The following RAB38 variants were observed in gnomAD, a reference collection of about 807,000 sequenced individuals.
RAB38 encodes the protein ras-related protein Rab-38.
Under a neutral mutation model 18.4 loss-of-function variants are expected in RAB38, and 15 were observed. That is an observed-to-expected ratio of 0.82 (90% CI 0.55 to 1.26). The LOEUF (loss-of-function observed/expected upper bound fraction) is 1.26, where lower values mean the gene tolerates loss of function less well. Ranked by LOEUF, RAB38 falls within the 50% of genes most tolerant of loss-of-function variation. The pLI is 0.00. For synonymous variants in RAB38, 101 were observed against 104.4 expected (o/e 0.97, Z 0.20); for missense variants, 294 against 267.4 (o/e 1.10, Z -0.69).
chr11:88,166,568 T>G (rs1943247380), intron 1 of RAB38: 1 of 152,144 alleles, frequency 6.6e-6, no homozygotes, highest in South Asian at 2.1e-4. Context: ...CTCAGGGTTT[T>G]AATTCTGTAA....
the RAB38 span, among the ~76,000 whole-genome samples, chr11:88,021,076 T>C: frequency 1.3e-5 from 2 of 151,774 alleles, no homozygotes; most frequent in Admixed American, 6.6e-5. Context: ...CCAAAATTAG[T>C]AGAAGGAAAT....
chr11:87,842,317 AAAG>A, the RAB38 span, among the ~76,000 whole-genome samples: 1 of 152,188 alleles, frequency 6.6e-6, no homozygotes. Flanking sequence ...ACAAAAGGAT[AAAG>A]AAGAAAAAAT....
At chr11:88,014,936 T>C in the RAB38 span, among the ~76,000 whole-genome samples, 2 of 152,082 alleles carry the variant, frequency 1.3e-5, no homozygotes, top group Non-Finnish European at 2.9e-5. Context: ...CTCTGGAAAG[T>C]TGTGGAGACA....
At chr11:87,977,362 A>G in the RAB38 span, among the ~76,000 whole-genome samples, 1 of 114,922 alleles carries the variant, frequency 8.7e-6, no homozygotes, top group African/African-American at 3.4e-5. Context: ...ATATAAGTAT[A>G]TTATAAAATT....
At chr11:88,036,566 G>A in the RAB38 span, among the ~76,000 whole-genome samples, 2 of 151,952 alleles carry the variant, frequency 1.3e-5, no homozygotes, top group Non-Finnish European at 2.9e-5. Context: ...CAATTTCTGT[G>A]CATTTCCTTT....
the RAB38 span, among the ~76,000 whole-genome samples, chr11:87,814,028 C>T: frequency 6.6e-6 from 1 of 152,074 alleles, no homozygotes; most frequent in Non-Finnish European, 1.5e-5. Context: ...TACTAAGAGT[C>T]AATAGAAAGG....
chr11:88,118,409 T>G (rs925649923), intron 2 of RAB38, among the ~76,000 whole-genome samples: 5 of 152,232 alleles, frequency 3.3e-5, no homozygotes, highest in Admixed American at 1.3e-4. Flanking sequence ...CCCTGCCTGA[T>G]AGAATTGCAG....
At chr11:88,077,409 A>G in the RAB38 span, among the ~76,000 whole-genome samples, 1 of 152,188 alleles carries the variant, frequency 6.6e-6, no homozygotes, top group African/African-American at 2.4e-5. Flanking sequence ...AATATACTAC[A>G]AAGCTAAAAT....
At chr11:88,042,031 G>C in the RAB38 span, among the ~76,000 whole-genome samples, 1 of 152,010 alleles carries the variant, frequency 6.6e-6, no homozygotes, top group Non-Finnish European at 1.5e-5. Context: ...AGGAAATTGG[G>C]GTTTAGGGAG....
At chr11:88,018,557 T>C in the RAB38 span, among the ~76,000 whole-genome samples, 2 of 152,146 alleles carry the variant, frequency 1.3e-5, no homozygotes, top group Admixed American at 1.3e-4. Context: ...CTGACATGTC[T>C]CTGTCCCTAG....
At chr11:87,873,908 A>ATGTG in the RAB38 span, among the ~76,000 whole-genome samples, 180 of 99,118 alleles carry the variant, frequency 1.8e-3, 17 homozygotes, top group African/African-American at 3.2e-3. Flanking sequence ...ATATATATAT[A>ATGTG]TGTGTGTGTG....
the RAB38 span, among the ~76,000 whole-genome samples, chr11:87,917,286 G>A: frequency 6.6e-6 from 1 of 152,100 alleles, no homozygotes; most frequent in East Asian, 1.9e-4. Flanking sequence ...CTCGTAGAGA[G>A]ATGGTCATCA....
At chr11:87,959,342 A>C in the RAB38 span, among the ~76,000 whole-genome samples, 1 of 152,202 alleles carries the variant, frequency 6.6e-6, no homozygotes, top group Non-Finnish European at 1.5e-5. Flanking sequence ...TGTAATTTGT[A>C]CTTTAGAAAA....
the RAB38 span, among the ~76,000 whole-genome samples, chr11:87,928,728 A>G: frequency 6.6e-6 from 1 of 152,226 alleles, no homozygotes; most frequent in Non-Finnish European, 1.5e-5. Flanking sequence ...TAGAACCACA[A>G]AGAATTGTAT....
chr11:88,174,642 C>CAAAAAAAAAA (rs915192861), intron 1 of RAB38, among the ~76,000 whole-genome samples: 1 of 97,182 alleles, frequency 1.0e-5, no homozygotes, highest in Admixed American at 1.0e-4. Flanking sequence ...AAAAAAAAAA[C>CAAAAAAAAAA]AAAACAAAAA....
At chr11:87,834,377 C>T in the RAB38 span, among the ~76,000 whole-genome samples, 1 of 152,174 alleles carries the variant, frequency 6.6e-6, no homozygotes, top group Non-Finnish European at 1.5e-5. Flanking sequence ...CTAGCAGAGT[C>T]GTGTTGTATC....
At chr11:87,849,399 G>C in the RAB38 span, among the ~76,000 whole-genome samples, 6 of 152,136 alleles carry the variant, frequency 3.9e-5, no homozygotes, top group African/African-American at 1.4e-4. Flanking sequence ...GCTGAGATCT[G>C]TTTGCTCAGC....
At chr11:87,934,016 G>T in the RAB38 span, among the ~76,000 whole-genome samples, 2 of 152,062 alleles carry the variant, frequency 1.3e-5, no homozygotes, top group African/African-American at 2.4e-5. Context: ...TTTCTACCAT[G>T]TCTGGGTAGG....
chr11:87,842,383 T>G, the RAB38 span, among the ~76,000 whole-genome samples: 1 of 152,134 alleles, frequency 6.6e-6, no homozygotes, highest in African/African-American at 2.4e-5. Context: ...AGGAGACAAG[T>G]TGAAATTCTG....
Sources: gnomAD v4.1 joint callset for allele counts (sites outside exome capture counted in the v4.1 genomes callset) on GRCh38, gnomAD v4.1.1 for gene constraint, MANE v1.5 for transcripts, NCBI Gene and HGNC (gene_info 2026-07-23, HGNC 2026-07-21) for gene names.